XIRP2: variants seen among roughly 807,000 people sequenced by gnomAD.
XIRP2 encodes xin actin-binding repeat-containing protein 2.
Under a neutral mutation model 277.0 loss-of-function variants are expected in XIRP2, and 236 were observed. That is an observed-to-expected ratio of 0.85 (90% confidence interval 0.77 to 0.95). The LOEUF (loss-of-function observed/expected upper bound fraction) is 0.95. Among genes scored for constraint, XIRP2 ranks in the 40% least tolerant of loss-of-function variants. The probability of loss-of-function intolerance (pLI) is 0.00; values close to 1 mark genes in which losing one functional copy is unlikely to be tolerated. For synonymous variants in XIRP2, 1,490 were observed against 1,416.5 expected (o/e 1.05, Z -1.17); for missense variants, 4,640 against 4,157.5 (o/e 1.12, Z -3.19).
chr2:166,897,804 A>G (rs565353248), intron 1 of XIRP2, among the ~76,000 whole-genome samples: 1 of 152,180 alleles, frequency 6.6e-6, no homozygotes, highest in East Asian at 1.9e-4. Flanking sequence ...CCAAGCAGAT[A>G]ATCAGCAGCT....
At chr2:167,075,564 T>A (rs1304296754) in intron 2 of XIRP2, among the ~76,000 whole-genome samples, 2 of 152,346 alleles carry the variant, frequency 1.3e-5, no homozygotes, top group African/African-American at 4.8e-5. Flanking sequence ...ATTTTATTTC[T>A]TCTGTCCATT....
rs773424374 is a variant in XIRP2 at position 167,244,973 on chromosome 2, C to G, written c.3581C>G (p.Ala1194Gly). The G allele has an allele frequency of 3.1e-6, 5 of 1,613,088 alleles. No individual in the cohort carries two copies. The African/African-American group carries it at 6.7e-5, about 22-fold the overall frequency. ...AAGCCTGTTGAAATGGATATACAAG[C>G]TGGAGATGTTTCCAGCATGAGGTAT... The part of the protein sequence containing the change: ...EIKPVEMDIQ[A>G]GDVSSMRYKF... The change falls in exon 9 of 11, where the codon GCT becomes GGT. Residue 1194 changes from alanine to glycine, a missense_variant. Transcript: ENST00000409195.
At chr2:166,918,573 A>C (rs990007348) in intron 2 of XIRP2, among the ~76,000 whole-genome samples, 1 of 152,110 alleles carries the variant, frequency 6.6e-6, no homozygotes, top group African/African-American at 2.4e-5. Context: ...TTATCTTTTA[A>C]AACATATTTA....
intron 2 of XIRP2, among the ~76,000 whole-genome samples, chr2:167,003,656 T>G (rs1018423383): frequency 6.6e-6 from 1 of 151,848 alleles, no homozygotes; most frequent in African/African-American, 2.4e-5. Flanking sequence ...CTAAAGAAAG[T>G]GACACAGAAT....
At position 167,075,928 on chromosome 2, in the gene XIRP2, G is replaced by A. The variant is rs573087695; in HGVS notation, c.409-59981G>A. On this transcript the variant is annotated intron_variant, in intron 2 of 10. Coordinates refer to ENST00000409195, the MANE Select transcript of XIRP2 (RefSeq NM_152381.6). ...TGGTCTCAAGTGATCCGCTCGCCTC[G>A]GCCTCCCAAAGTGATGGAATTACAA... 3.3e-4 allele frequency among the ~76,000 whole-genome samples: 50 copies of A among 151,766 alleles called. 1 individual carries two copies. The South Asian group carries it at 6.2e-3, about 19-fold the overall frequency.
At chr2:166,974,516 T>C (rs183319771) in intron 2 of XIRP2, among the ~76,000 whole-genome samples, 1 of 152,026 alleles carries the variant, frequency 6.6e-6, no homozygotes, top group African/African-American at 2.4e-5. Flanking sequence ...TACATATATA[T>C]ATCTGATATA....
At chr2:166,997,937 A>G (rs956066361) in intron 2 of XIRP2, among the ~76,000 whole-genome samples, 1 of 151,928 alleles carries the variant, frequency 6.6e-6, no homozygotes, top group Non-Finnish European at 1.5e-5. Context: ...AGTTCAGTTG[A>G]CTAACGCTTA....
intron 3 of XIRP2, among the ~76,000 whole-genome samples, chr2:167,175,712 T>C (rs553585327): frequency 1.3e-5 from 2 of 152,224 alleles, no homozygotes; most frequent in South Asian, 4.2e-4. Flanking sequence ...GTCAGGAATG[T>C]TTAAGTCTGC....
At chr2:167,196,073 T>C (rs1693496993) in intron 3 of XIRP2, among the ~76,000 whole-genome samples, 1 of 152,002 alleles carries the variant, frequency 6.6e-6, no homozygotes, top group South Asian at 2.1e-4. Flanking sequence ...AGATTCATAG[T>C]TCTGCACATA....
At chr2:166,974,182 G>A (rs994674476) in intron 2 of XIRP2, among the ~76,000 whole-genome samples, 1 of 152,124 alleles carries the variant, frequency 6.6e-6, no homozygotes, top group Non-Finnish European at 1.5e-5. Flanking sequence ...TCTGCAGCAC[G>A]AGTTGTTTGG....
chr2:167,011,513 G>A (rs1306758835), intron 2 of XIRP2, among the ~76,000 whole-genome samples: 2 of 151,968 alleles, frequency 1.3e-5, no homozygotes, highest in Non-Finnish European at 1.5e-5. Context: ...TATTCATCAA[G>A]GATATTGGTC....
chr2:167,097,936 TC>T (rs1690368418), intron 2 of XIRP2, among the ~76,000 whole-genome samples: 2 of 152,260 alleles, frequency 1.3e-5, no homozygotes, highest in Non-Finnish European at 2.9e-5. Context: ...CTGATGGGCT[TC>T]CCTTTGTGGG....
chr2:167,253,919 G>A, intron 9 of XIRP2, 113 bp from the exon 10 acceptor site: 4 of 1,232,756 alleles, frequency 3.2e-6, no homozygotes, highest in Non-Finnish European at 4.5e-6. Context: ...AGTAGTCTTA[G>A]AGCTTTTCTA....
intron 1 of XIRP2, chr2:166,889,540 G>A (rs1045011864): frequency 6.6e-6 from 1 of 152,622 alleles, no homozygotes; most frequent in African/African-American, 2.4e-5. Flanking sequence ...TCCCAACAAT[G>A]TGGCACCATA....
At chr2:166,927,486 A>G (rs906576966) in intron 2 of XIRP2, among the ~76,000 whole-genome samples, 4 of 152,050 alleles carry the variant, frequency 2.6e-5, no homozygotes, top group Non-Finnish European at 5.9e-5. Context: ...ATGTTTGCCA[A>G]CCTTTAGAGG....
At chr2:166,892,948 ATG>A (rs1684143740) in intron 1 of XIRP2, among the ~76,000 whole-genome samples, 1 of 147,306 alleles carries the variant, frequency 6.8e-6, no homozygotes, top group Admixed American at 7.0e-5. Context: ...GTGTATATTT[ATG>A]TGTGTGTATA....
chr2:166,995,222 C>A (rs1461197540), intron 2 of XIRP2, among the ~76,000 whole-genome samples: 1 of 152,116 alleles, frequency 6.6e-6, no homozygotes, highest in African/African-American at 2.4e-5. Flanking sequence ...TTGTTGGGTT[C>A]TAAGAAATTG....
At position 167,249,043 on chromosome 2, in the gene XIRP2, T is replaced by C. The variant is rs751867582; in HGVS notation, c.7651T>C (p.Tyr2551His). ...KTPLMIAEEK[Y>H]RQQKEEIEKQ... ...ACCTTTAATGATTGCTGAAGAAAAA[T>C]ATAGACAACAAAAAGAAGAAATTGA... Residue 2551 changes from tyrosine (Y) to histidine (H), a missense_variant, in exon 9 of 11, where the codon TAT (tyrosine) becomes CAT (histidine). Physicochemically the swap from Tyr to His is moderately conservative, Grantham distance 83. Coordinates refer to ENST00000409195, the MANE Select transcript of XIRP2 (RefSeq NM_152381.6). The C allele has an allele frequency of 1.6e-5, 25 of 1,610,912 alleles. No homozygotes were observed. The highest frequency in any genetic ancestry group is 4.0e-5 in the African/African-American group (3 of 74,364).
At chr2:167,148,419 G>A (rs1301779631) in intron 3 of XIRP2, among the ~76,000 whole-genome samples, 1 of 133,266 alleles carries the variant, frequency 7.5e-6, no homozygotes, top group Non-Finnish European at 1.6e-5. Context: ...AAGAAAGAGA[G>A]AAAGAAAGAA....
Sources: allele counts gnomAD v4.1 joint callset (sites outside exome capture counted in the v4.1 genomes callset), GRCh38; gene constraint gnomAD v4.1.1; transcripts MANE v1.5; gene names NCBI Gene and HGNC (gene_info 2026-07-23, HGNC 2026-07-21).